Variants in ACBD6 observed in about 807,000 individuals in gnomAD.
The protein encoded by ACBD6 is acyl-CoA-binding domain-containing protein 6.
ACBD6 carries 28 observed loss-of-function variants against 37.2 expected under a neutral mutation model. The ratio of observed to expected loss-of-function variants is 0.75; its 90% CI spans 0.56 to 1.03. The LOEUF (loss-of-function observed/expected upper bound fraction) is 1.03, where lower values mean the gene tolerates loss of function less well. ACBD6 is among the 50% of genes least tolerant of loss of function. The pLI, the probability that ACBD6 is intolerant of heterozygous loss-of-function variation, is 0.00. For missense variants in ACBD6, 340 were observed against 337.4 expected (o/e 1.01, Z -0.06); for synonymous variants, 113 against 126.8 (o/e 0.89, Z 0.73).
chr1:180,292,007 TC>T (rs1488583680), intron 7 of ACBD6, among the ~76,000 whole-genome samples: 1 of 152,236 alleles, frequency 6.6e-6, no homozygotes, highest in African/African-American at 2.4e-5. Context: ...TGGATCTATT[TC>T]TAGGTTATCT....
intron 3 of ACBD6, among the ~76,000 whole-genome samples, chr1:180,442,822 T>C (rs990639012): frequency 2.7e-5 from 4 of 149,922 alleles, no homozygotes; most frequent in Non-Finnish European, 4.4e-5. Flanking sequence ...TTGATACTTT[T>C]GCATCTTCCA....
At chr1:180,333,060 GT>G (rs1651547761) in intron 6 of ACBD6, among the ~76,000 whole-genome samples, 1 of 152,046 alleles carries the variant, frequency 6.6e-6, no homozygotes. Flanking sequence ...AAGAACTTTT[GT>G]TTATGTGGTT....
At chr1:180,337,901 G>C (rs9696236) in intron 6 of ACBD6, among the ~76,000 whole-genome samples, 16 of 152,128 alleles carry the variant, frequency 1.1e-4, no homozygotes, top group Non-Finnish European at 2.2e-4. Flanking sequence ...CCATTCACAA[G>C]TGCTTCGAAG....
chr1:180,447,983 C>T (rs1163133046), intron 3 of ACBD6, among the ~76,000 whole-genome samples: 1 of 151,994 alleles, frequency 6.6e-6, no homozygotes, highest in Non-Finnish European at 1.5e-5. Flanking sequence ...AAGTTACCCA[C>T]GGGTTTAGGG....
rs891024142 is a variant in ACBD6 at position 180,397,414 on chromosome 1, G to A, written c.663+102C>T. The stretch of plus-strand genomic sequence containing the variant: ...CACAACATTGTGAAATGTACTAAAC[G>A]CCACTGAATTGCACATTTCAAAAGA... On this transcript the variant is annotated intron_variant, in intron 6 of 7. Coordinates refer to ENST00000367595, the MANE Select transcript of ACBD6 (RefSeq NM_032360.4). The A allele has an allele frequency of 1.1e-4, 106 of 989,822 alleles. No homozygotes were observed. In the Admixed American group the frequency reaches 1.6e-3, roughly 15 times the overall value. 61.3% of individuals were successfully genotyped at this position (989,822 alleles called of 1,614,324 possible).
rs74132839 is a variant in ACBD6 at position 180,416,628 on chromosome 1, A to G, written c.468-3157T>C. On this transcript the variant is annotated intron_variant, in intron 4 of 7. Coordinates refer to ENST00000367595, the MANE Select transcript of ACBD6 (RefSeq NM_032360.4). ...AAAGTCTCTTCTTCAGGTTACTACA[A>G]CTTTTCTGAAATTGACAGCAAATAC... 6.7e-3 allele frequency among the ~76,000 whole-genome samples: 1,013 copies of G among 152,308 alleles called. 17 individuals are homozygous for G. Among genetic ancestry groups the G allele is most frequent in the African/African-American group, 0.023 (967 of 41,572 alleles).
chr1:180,400,650 T>C (rs1170447302), intron 5 of ACBD6, among the ~76,000 whole-genome samples: 1 of 152,208 alleles, frequency 6.6e-6, no homozygotes, highest in Non-Finnish European at 1.5e-5. Flanking sequence ...GTGATACCTT[T>C]TACTTCTTCA....
At chr1:180,467,116 T>C (rs1034255461) in intron 3 of ACBD6, among the ~76,000 whole-genome samples, 1 of 151,992 alleles carries the variant, frequency 6.6e-6, no homozygotes, top group South Asian at 2.1e-4. Context: ...TTCTTTTATA[T>C]CTTTTATTTT....
intron 6 of ACBD6, among the ~76,000 whole-genome samples, chr1:180,365,448 C>G (rs926579521): frequency 1.3e-5 from 2 of 152,156 alleles, no homozygotes; most frequent in Non-Finnish European, 2.9e-5. Flanking sequence ...GACCATGAGA[C>G]TTTACTCAAA....
chr1:180,436,033 A>C, intron 3 of ACBD6: 1 of 687,432 alleles, frequency 1.5e-6, no homozygotes, highest in Non-Finnish European at 2.5e-6. Flanking sequence ...GTACGTCTGG[A>C]ATGCAAGTAT....
At chr1:180,461,962 A>T (rs192940236) in intron 3 of ACBD6, among the ~76,000 whole-genome samples, 1 of 152,286 alleles carries the variant, frequency 6.6e-6, no homozygotes, top group East Asian at 1.9e-4. Flanking sequence ...TAGGCTGGGC[A>T]TGGTGGCTCA....
chr1:180,332,105 G>C (rs1013520302), intron 6 of ACBD6, among the ~76,000 whole-genome samples: 6 of 152,148 alleles, frequency 3.9e-5, no homozygotes, highest in African/African-American at 1.4e-4. Context: ...CCAGAAGCCC[G>C]AAGAGGCAAA....
intron 7 of ACBD6, among the ~76,000 whole-genome samples, chr1:180,293,101 T>C (rs1649779539): frequency 6.6e-6 from 1 of 152,212 alleles, no homozygotes; most frequent in Non-Finnish European, 1.5e-5. Flanking sequence ...AACCTTTTTG[T>C]ATTTACTAGG....
intron 6 of ACBD6, among the ~76,000 whole-genome samples, chr1:180,363,715 G>C (rs1263452369): frequency 7.6e-6 from 1 of 130,960 alleles, no homozygotes; most frequent in Non-Finnish European, 1.6e-5. Context: ...AGCAGGAGCA[G>C]GAGCGGGAGC....
intron 6 of ACBD6, among the ~76,000 whole-genome samples, chr1:180,337,077 A>C (rs945367839): frequency 6.6e-6 from 1 of 152,188 alleles, no homozygotes. Flanking sequence ...CCAGAGGTAC[A>C]AGGAGGAGCT....
chr1:180,332,680 T>C (rs1260948076), intron 6 of ACBD6, among the ~76,000 whole-genome samples: 1 of 152,036 alleles, frequency 6.6e-6, no homozygotes, highest in Non-Finnish European at 1.5e-5. Flanking sequence ...TATATTATAG[T>C]GAGTTGTATA....
At chr1:180,305,388 T>G (rs545451322) in intron 7 of ACBD6, among the ~76,000 whole-genome samples, 13 of 151,774 alleles carry the variant, frequency 8.6e-5, no homozygotes, top group Non-Finnish European at 1.9e-4. Context: ...TATAATGAAC[T>G]CAAACAAATC....
At chr1:180,314,656 C>T in intron 7 of ACBD6, 36 bp downstream of exon 7, 1 of 1,475,336 alleles carries the variant, frequency 6.8e-7, no homozygotes, top group Non-Finnish European at 9.5e-7. Flanking sequence ...AGAATATGTT[C>T]AAATATGATT....
rs1183202502 is a variant in ACBD6, at chr1:180,292,414, T to A, written c.695-3897A>T. 4.6e-5 allele frequency among the ~76,000 whole-genome samples: 7 copies of A among 152,310 alleles called. No individual in the cohort carries two copies. In the South Asian group the frequency reaches 1.0e-3, roughly 23 times the overall value. On this transcript the variant is annotated intron_variant, in intron 7 of 7. Coordinates refer to ENST00000367595, the MANE Select transcript of ACBD6 (RefSeq NM_032360.4). ...TTGATGTATCCCTAAGAATTTCATG[T>A]TTTTGAGGCTACTGCAAATAATATC...
Sources: gnomAD v4.1 joint callset for allele counts (sites outside exome capture counted in the v4.1 genomes callset) on GRCh38, gnomAD v4.1.1 for gene constraint, MANE v1.5 for transcripts, NCBI Gene and HGNC (gene_info 2026-07-23, HGNC 2026-07-21) for gene names.